EFNA5: variants seen among roughly 807,000 people sequenced by gnomAD.
EFNA5 encodes ephrin A5.
A neutral mutation model predicts 22.9 loss-of-function variants in EFNA5; 5 were observed. The observed-to-expected ratio is 0.22, with a 90% CI of 0.11 to 0.46. EFNA5 has a LOEUF of 0.46. EFNA5 is among the 20% of genes least tolerant of loss of function. The probability of loss-of-function intolerance (pLI) is 0.99; values close to 1 mark genes in which losing one functional copy is unlikely to be tolerated. For synonymous variants in EFNA5, 113 were observed against 112.2 expected (o/e 1.01, Z -0.04); for missense variants, 237 against 293.3 (o/e 0.81, Z 1.40).
chr5:107,536,831 G>A (rs1408370225), intron 1 of EFNA5, among the ~76,000 whole-genome samples: 1 of 152,202 alleles, frequency 6.6e-6, no homozygotes, highest in Non-Finnish European at 1.5e-5. Context: ...TTTCGGCCGG[G>A]TGCAGTGGGT....
intron 1 of EFNA5, among the ~76,000 whole-genome samples, chr5:107,517,038 C>T (rs970041413): frequency 4.6e-5 from 7 of 151,708 alleles, no homozygotes; most frequent in South Asian, 2.1e-4. Flanking sequence ...AGAATACACA[C>T]GTCATAAAAT....
At chr5:107,579,937 A>G (rs1749008291) in intron 1 of EFNA5, among the ~76,000 whole-genome samples, 1 of 152,218 alleles carries the variant, frequency 6.6e-6, no homozygotes, top group Admixed American at 6.5e-5. Flanking sequence ...AATATTTATA[A>G]TAAAACTCTT....
intron 1 of EFNA5, among the ~76,000 whole-genome samples, chr5:107,502,756 G>A (rs1747163790): frequency 6.6e-6 from 1 of 152,152 alleles, no homozygotes; most frequent in African/African-American, 2.4e-5. Context: ...ATTGCCTCAG[G>A]ATGGAACGAC....
intron 1 of EFNA5, among the ~76,000 whole-genome samples, chr5:107,617,229 CACACACACAG>C (rs1244578996): frequency 2.7e-5 from 4 of 148,202 alleles, no homozygotes; most frequent in Non-Finnish European, 6.0e-5. Flanking sequence ...CACACACACA[CACACACACAG>C]AGAGAGAGAG....
chr5:107,600,368 A>G (rs189275447), intron 1 of EFNA5, among the ~76,000 whole-genome samples: 1 of 152,334 alleles, frequency 6.6e-6, no homozygotes, highest in African/African-American at 2.4e-5. Context: ...GTTACAACCT[A>G]AGAAGAGGAA....
At chr5:107,436,111 C>T (rs1386530503) in intron 1 of EFNA5, among the ~76,000 whole-genome samples, 1 of 152,228 alleles carries the variant, frequency 6.6e-6, no homozygotes, top group Non-Finnish European at 1.5e-5. Context: ...TTTTCTACTA[C>T]AAGTCATGTC....
At chr5:107,431,757 A>G (rs781586880) in intron 1 of EFNA5, among the ~76,000 whole-genome samples, 3 of 152,166 alleles carry the variant, frequency 2.0e-5, no homozygotes, top group Admixed American at 6.5e-5. Flanking sequence ...TCTCTCCTTC[A>G]TTCACGGATG....
chr5:107,515,168 G>T (rs926354946), intron 1 of EFNA5, among the ~76,000 whole-genome samples: 1 of 151,760 alleles, frequency 6.6e-6, no homozygotes, highest in Non-Finnish European at 1.5e-5. Context: ...CCAAGTAGCT[G>T]GGATTACAGG....
chr5:107,477,851 C>T (rs1463782011), intron 1 of EFNA5, among the ~76,000 whole-genome samples: 1 of 151,976 alleles, frequency 6.6e-6, no homozygotes, highest in South Asian at 2.1e-4. Context: ...AATCAATATA[C>T]CCTAAATCAA....
At chr5:107,419,307 C>A (rs1382671310) in intron 2 of EFNA5, among the ~76,000 whole-genome samples, 1 of 152,120 alleles carries the variant, frequency 6.6e-6, no homozygotes. Context: ...TGACTAGGGA[C>A]AACTTGAAAC....
chr5:107,578,098 TTGGCACCTTTGACATAACTGAC>T (rs1437253296), intron 1 of EFNA5, among the ~76,000 whole-genome samples: 2 of 152,206 alleles, frequency 1.3e-5, no homozygotes, highest in African/African-American at 4.8e-5. Flanking sequence ...GACAATCAAA[TTGGCACCTTTGACATAACTGAC>T]TGGTTCTTTG....
At chr5:107,509,910 T>G (rs1416522505) in intron 1 of EFNA5, among the ~76,000 whole-genome samples, 1 of 152,202 alleles carries the variant, frequency 6.6e-6, no homozygotes, top group Non-Finnish European at 1.5e-5. Flanking sequence ...CGCCATTAGT[T>G]AATAACAATA....
intron 2 of EFNA5, among the ~76,000 whole-genome samples, chr5:107,424,643 G>A (rs925457209): frequency 2.6e-5 from 4 of 152,130 alleles, no homozygotes; most frequent in African/African-American, 9.7e-5. Flanking sequence ...CCTGAGATCA[G>A]CAATAGAGCA....
intron 1 of EFNA5, among the ~76,000 whole-genome samples, chr5:107,533,618 A>T (rs1289942348): frequency 1.3e-5 from 2 of 151,242 alleles, no homozygotes; most frequent in Non-Finnish European, 2.9e-5. Flanking sequence ...CATTTGGGAA[A>T]AGTCCTGCTC....
In EFNA5 at chr5:107,493,822, T is replaced by C. The variant is rs549163174; in HGVS notation, c.126-66313A>G. On this transcript the variant is annotated intron_variant, in intron 1 of 4. Coordinates refer to ENST00000333274, the MANE Select transcript of EFNA5 (RefSeq NM_001962.3). Reference sequence around the variant, plus strand: ...ATTGAACATTGGCACAGTCTATCATTTAATATTCACAACAAACCTATAAGG... The same window carrying C: ...ATTGAACATTGGCACAGTCTATCATCTAATATTCACAACAAACCTATAAGG... Among the ~76,000 whole-genome samples, 173 of 152,278 alleles carry C rather than the reference T, an allele frequency of 1.1e-3. 1 individual carries two copies. Among genetic ancestry groups the C allele is most frequent in the African/African-American group, 4.1e-3 (171 of 41,556 alleles).
intron 2 of EFNA5, among the ~76,000 whole-genome samples, chr5:107,398,176 C>T (rs1207494982): frequency 6.6e-6 from 1 of 152,128 alleles, no homozygotes; most frequent in Non-Finnish European, 1.5e-5. Context: ...GGCATACATT[C>T]ATAGCTTGTA....
intron 4 of EFNA5, among the ~76,000 whole-genome samples, chr5:107,383,204 T>G (rs959765209): frequency 1.3e-5 from 2 of 152,218 alleles, no homozygotes; most frequent in African/African-American, 4.8e-5. Context: ...TTGTCAAATG[T>G]GCTCCCCTTT....
chr5:107,452,603 G>T (rs188972938), intron 1 of EFNA5, among the ~76,000 whole-genome samples: 123 of 152,162 alleles, frequency 8.1e-4, no homozygotes, highest in Admixed American at 2.2e-3. Flanking sequence ...GTATGTATCT[G>T]TAGTCCCAGC....
At chr5:107,382,544 A>T (rs1747498363) in intron 4 of EFNA5, among the ~76,000 whole-genome samples, 1 of 151,990 alleles carries the variant, frequency 6.6e-6, no homozygotes, top group African/African-American at 2.4e-5. Context: ...GGCTAATTTT[A>T]AGAATTTTTA....
Sources: allele counts gnomAD v4.1 joint callset (sites outside exome capture counted in the v4.1 genomes callset), GRCh38; gene constraint gnomAD v4.1.1; transcripts MANE v1.5; gene names NCBI Gene and HGNC (gene_info 2026-07-23, HGNC 2026-07-21).